Variants in RHNO1 observed in about 807,000 individuals in gnomAD.
RHNO1 encodes RAD9-HUS1-RAD1 interacting nuclear orphan 1, also known as RAD9, HUS1, RAD1-interacting nuclear orphan protein 1.
Under a neutral mutation model 7.2 loss-of-function variants are expected in RHNO1, and 9 were observed. The ratio of observed to expected loss-of-function variants is 1.25; its 90% confidence interval spans 0.75 to 2.18. The LOEUF is 2.18. Among genes scored for constraint, RHNO1 ranks in the 30% most tolerant of loss-of-function variants. RHNO1 has a pLI of 0.00. For synonymous variants in RHNO1, 95 were observed against 107.5 expected, an observed-to-expected ratio of 0.88 and a Z score of 0.72; for missense variants, 292 against 284.5, an observed-to-expected ratio of 1.03 and a Z score of -0.19.
rs573378212 is a variant in RHNO1, at chr12:2,881,349, C to T, written c.-84-3934C>T. Among the ~76,000 whole-genome samples, 233 of 152,024 alleles carry T rather than the reference C, an allele frequency of 1.5e-3. 1 individual carries two copies. The highest frequency in any genetic ancestry group is 5.1e-3 in the African/African-American group (213 of 41,360). ...AACTCCTGACTTCAAGTAATCTGCC[C>T]GCCTCAGCTCCCTAAACTGCTGGTA... On this transcript the variant is annotated intron_variant, in intron 1 of 2. Coordinates refer to ENST00000489288, the MANE Select transcript of RHNO1 (RefSeq NM_001252499.3).
At chr12:2,879,365 C>T (rs1333687014) in intron 1 of RHNO1, among the ~76,000 whole-genome samples, 1 of 151,638 alleles carries the variant, frequency 6.6e-6, no homozygotes, top group African/African-American at 2.4e-5. Context: ...AAGGTTCTGG[C>T]TCTGTCACTC....
chr12:2,885,276 T>C lies in RHNO1; in HGVS notation c.-84-7T>C. On this transcript the variant is annotated splice_polypyrimidine_tract_variant and splice_region_variant and intron_variant, in intron 1 of 2. Coordinates refer to ENST00000489288, the MANE Select transcript of RHNO1 (RefSeq NM_001252499.3). Reference sequence around the variant, plus strand: ...ATTTGCTCCCAGCTTTTGTTTCTTCTCTACAGGCATGGGTTGGAATTGGAG... The same window carrying C: ...ATTTGCTCCCAGCTTTTGTTTCTTCCCTACAGGCATGGGTTGGAATTGGAG... 8.8e-7 allele frequency: 1 copy of C among 1,132,790 alleles called. No homozygotes were observed. Among genetic ancestry groups the C allele is most frequent in the Non-Finnish European group, 1.3e-6 (1 of 792,096 alleles). 70.2% of individuals were successfully genotyped at this position (1,132,790 alleles called of 1,614,324 possible). A position where few individuals can be genotyped will look rare whatever the true frequency, so the allele number is the denominator to read the frequency against.
In RHNO1 at chr12:2,887,928, T is replaced by TA. The variant is rs764677788; in HGVS notation, c.187dup (p.Thr63AsnfsTer35). Reference sequence around the variant, plus strand: ...TTTTTAAGGTATCACCTGATTTTGATACAGCAGCAGGAAGCTTGTTCCCAG... The same window carrying TA: ...TTTTTAAGGTATCACCTGATTTTGATAACAGCAGCAGGAAGCTTGTTCCCAG... On this transcript the variant is annotated frameshift_variant, in exon 3 of 3. Transcript: ENST00000489288. LOFTEE classifies it low-confidence loss of function (END_TRUNC). 91 of 1,589,852 alleles carry TA rather than the reference T, an allele frequency of 5.7e-5. No individual in the cohort carries two copies. The highest frequency in any genetic ancestry group is 7.3e-5 in the Non-Finnish European group (86 of 1,170,192).
intron 1 of RHNO1, among the ~76,000 whole-genome samples, chr12:2,883,499 ATATATATATATATTTT>A (rs1375219608): frequency 2.6e-4 from 8 of 30,970 alleles, no homozygotes; most frequent in Admixed American, 1.6e-3. Flanking sequence ...ATATATATAT[ATATATATATATATTTT>A]TTTTTTTTTT....
At chr12:2,879,445 A>G (rs1431498989) in intron 1 of RHNO1, among the ~76,000 whole-genome samples, 1 of 151,772 alleles carries the variant, frequency 6.6e-6, no homozygotes, top group East Asian at 1.9e-4. Flanking sequence ...TGATCTGCCC[A>G]CCTCAGCCTC....
intron 1 of RHNO1, among the ~76,000 whole-genome samples, chr12:2,883,931 T>C (rs1179244655): frequency 2.6e-5 from 4 of 152,098 alleles, no homozygotes; most frequent in African/African-American, 9.7e-5. Flanking sequence ...ACAGGGTCCA[T>C]TACATTATTC....
intron 1 of RHNO1, 121 bp downstream of exon 1, chr12:2,877,403 C>G (rs932059875): frequency 6.6e-6 from 1 of 152,186 alleles, no homozygotes; most frequent in African/African-American, 2.4e-5. Flanking sequence ...CGCGCGGAAG[C>G]GGCGTGACAG....
At position 2,887,892 on chromosome 12, in the gene RHNO1, CT is replaced by C. The variant is rs75958137; in HGVS notation, c.169-4del. On this transcript the variant is annotated intron_variant, in intron 2 of 2. Transcript: ENST00000489288. ...TTAGTACTTAGTTAGGCTCACCTCA[CT>C]TTTTTTTTTTTTTTAAGGTATCACC... 0.14 allele frequency: 165,155 copies of C among 1,210,816 alleles called. 2 individuals are homozygous for C. Among genetic ancestry groups the C allele is most frequent in the South Asian group, 0.15 (9,052 of 62,410 alleles). The allele number at this position is 1,210,816 out of a possible 1,614,324, so 75.0% of individuals were successfully genotyped here. A position where few individuals can be genotyped will look rare whatever the true frequency, so the allele number is the denominator to read the frequency against.
rs1255873701 is a variant in RHNO1, at chr12:2,885,567, T to C, written c.168+33T>C. 12 of 566,130 alleles carry C rather than the reference T, an allele frequency of 2.1e-5. No individual in the cohort carries two copies. The African/African-American group carries it at 8.8e-4, about 41-fold the overall frequency. 35.1% of individuals were successfully genotyped at this position (566,130 alleles called of 1,614,324 possible). ...CATGGGATTACTATTTGACATTTTT[T>C]TTTTTTTTTTTTTTTTTTTTTTTTT... is the stretch of plus-strand genomic sequence containing the variant. On this transcript the variant is annotated intron_variant, in intron 2 of 2. Transcript: ENST00000489288.
chr12:2,882,208 G>A (rs1367829727), intron 1 of RHNO1, among the ~76,000 whole-genome samples: 2 of 151,678 alleles, frequency 1.3e-5, no homozygotes, highest in Admixed American at 1.3e-4. Flanking sequence ...TTGGGTGGGC[G>A]AGGCAGAAGG....
chr12:2,878,220 T>A (rs1032782997), intron 1 of RHNO1: 1 of 151,712 alleles, frequency 6.6e-6, no homozygotes, highest in Non-Finnish European at 1.5e-5. Context: ...ACATTAGAGG[T>A]TAATGATACT....
upstream of RHNO1, chr12:2,876,824 CCCT>C (rs2098145372): frequency 6.5e-6 from 1 of 152,806 alleles, no homozygotes; most frequent in African/African-American, 2.4e-5. Flanking sequence ...GTGGCCCGTG[CCCT>C]GCTGCTAGAC....
In RHNO1 at chr12:2,884,624, A is replaced by G. The variant is rs939943711; in HGVS notation, c.-84-659A>G. On this transcript the variant is annotated intron_variant, in intron 1 of 2. Coordinates refer to ENST00000489288, the MANE Select transcript of RHNO1 (RefSeq NM_001252499.3). ...GTGATCCGCCTGCCTCAGCCTCCCA[A>G]AGTGCTGGGATTACAGGCGTAAGCC... 2.0e-5 allele frequency among the ~76,000 whole-genome samples: 3 copies of G among 149,724 alleles called. No homozygotes were observed. The Admixed American group carries it at 2.1e-4, about 10-fold the overall frequency.
rs758256708 is a variant in RHNO1 at position 2,887,911 on chromosome 12, G to A, written c.169G>A (p.Val57Ile). The change falls in exon 3 of 3, where the codon GTA (valine) becomes ATA (isoleucine). Residue 57 changes from valine (V) to isoleucine (I), a missense_variant and splice_region_variant. By Grantham distance (29) the Val-to-Ile change is conservative. Coordinates refer to ENST00000489288, the MANE Select transcript of RHNO1 (RefSeq NM_001252499.3). ...PIDHSTITSW[V>I]SPDFDTAAGS... ...ACCTCACTTTTTTTTTTTTTTTAAGGTATCACCTGATTTTGATACAGCAGC... is the reference window on the plus strand; with the variant it reads ...ACCTCACTTTTTTTTTTTTTTTAAGATATCACCTGATTTTGATACAGCAGC... 3 of 1,538,482 alleles carry A rather than the reference G, an allele frequency of 1.9e-6. No individual in the cohort carries two copies. The highest frequency in any genetic ancestry group is 2.1e-5 in the Admixed American group (1 of 47,802).
chr12:2,885,760 A>T, intron 2 of RHNO1: 1 of 414,812 alleles, frequency 2.4e-6, no homozygotes, highest in South Asian at 3.0e-5. Flanking sequence ...TATTTTCAGT[A>T]GAGATGGGGT....
In RHNO1 at chr12:2,883,511, A is replaced by ATTTTTTTTTT. The variant is rs869192550; in HGVS notation, c.-84-1758_-84-1749dup. On this transcript the variant is annotated intron_variant, in intron 1 of 2. Transcript: ENST00000489288. ...TATATATATATATATATATATATAT[A>ATTTTTTTTTT]TTTTTTTTTTTTTTTTTTTTTTTGA... Among the ~76,000 whole-genome samples, 2 of 26,826 alleles carry ATTTTTTTTTT rather than the reference A, an allele frequency of 7.5e-5. 1 individual carries two copies. Among genetic ancestry groups the ATTTTTTTTTT allele is most frequent in the African/African-American group, 3.3e-4 (2 of 5,978 alleles). 17.6% of individuals were successfully genotyped at this position (26,826 alleles called of 152,430 possible).
chr12:2,888,146 A>G lies in RHNO1; in HGVS notation c.404A>G (p.Gln135Arg), dbSNP rs753428636. The G allele has an allele frequency of 1.2e-5, 20 of 1,613,988 alleles. No individual in the cohort carries two copies. Among genetic ancestry groups the G allele is most frequent in the Non-Finnish European group, 1.5e-5 (18 of 1,180,008 alleles). ...RRPLVPVLSP[Q>R]SCGNMSVQAL... is the part of the protein sequence containing the mutation. ...CCCTTAGTTCCAGTGCTCAGTCCCCAAAGCTGTGGGAACATGTCAGTGCAG... is the reference window on the plus strand; with the variant it reads ...CCCTTAGTTCCAGTGCTCAGTCCCCGAAGCTGTGGGAACATGTCAGTGCAG... The change falls in exon 3 of 3, where the codon CAA (glutamine) becomes CGA (arginine). Residue 135 changes from glutamine to arginine, a missense_variant. Transcript: ENST00000489288.
chr12:2,884,642 C>T (rs2098163121), intron 1 of RHNO1, among the ~76,000 whole-genome samples: 1 of 148,860 alleles, frequency 6.7e-6, no homozygotes, highest in South Asian at 2.2e-4. Context: ...GGATTACAGG[C>T]GTAAGCCCCC....
intron 2 of RHNO1, 42 bp downstream of exon 2, chr12:2,885,576 T>A: frequency 1.3e-6 from 2 of 1,484,166 alleles, no homozygotes; most frequent in Non-Finnish European, 1.8e-6. Context: ...TTTTTTTTTT[T>A]TTTTTTTTTT....
Sources: allele counts gnomAD v4.1 joint callset (sites outside exome capture counted in the v4.1 genomes callset), GRCh38; gene constraint gnomAD v4.1.1; transcripts MANE v1.5; gene names NCBI Gene and HGNC (gene_info 2026-07-23, HGNC 2026-07-21).